The following RBFOX1 variants were observed in gnomAD, a reference collection of about 807,000 sequenced individuals.
RBFOX1 encodes RNA binding protein fox-1 homolog 1.
A neutral mutation model predicts 57.7 loss-of-function variants in RBFOX1; 8 were observed. The observed-to-expected ratio is 0.14, with a 90% confidence interval of 0.08 to 0.25. The LOEUF (loss-of-function observed/expected upper bound fraction) is 0.25. Among genes scored for constraint, RBFOX1 ranks in the 10% least tolerant of loss-of-function variants. RBFOX1 has a pLI of 1.00. For synonymous variants in RBFOX1, 326 were observed against 222.4 expected (o/e 1.47, Z -4.15); for missense variants, 611 against 548.5 (o/e 1.11, Z -1.14).
intron 1 of RBFOX1, among the ~76,000 whole-genome samples, chr16:5,246,964 C>T (rs941236620): frequency 6.6e-6 from 1 of 152,222 alleles, no homozygotes; most frequent in Non-Finnish European, 1.5e-5. Context: ...AGCCACCATG[C>T]CTCGCTGAGT....
chr16:6,196,865 C>G (rs906946551), intron 1 of RBFOX1, among the ~76,000 whole-genome samples: 12 of 151,592 alleles, frequency 7.9e-5, no homozygotes, highest in African/African-American at 2.7e-4. Context: ...TCTTTTATTA[C>G]ATTTTCTGCA....
intron 2 of RBFOX1, among the ~76,000 whole-genome samples, chr16:6,474,653 C>T (rs1304244060): frequency 1.3e-5 from 2 of 152,030 alleles, no homozygotes; most frequent in Non-Finnish European, 2.9e-5. Flanking sequence ...GGCGAGGGAA[C>T]CCAGCCAGGG....
At chr16:7,507,198 C>T (rs1250418555) in intron 4 of RBFOX1, among the ~76,000 whole-genome samples, 1 of 152,180 alleles carries the variant, frequency 6.6e-6, no homozygotes, top group African/African-American at 2.4e-5. Flanking sequence ...ATTACCTGGC[C>T]TATCATAGTG....
chr16:6,564,105 C>G (rs1367285302), intron 2 of RBFOX1, among the ~76,000 whole-genome samples: 1 of 152,080 alleles, frequency 6.6e-6, no homozygotes, highest in Non-Finnish European at 1.5e-5. Context: ...TTCTTGTAGC[C>G]TACACTGTGG....
intron 5 of RBFOX1, chr16:7,519,555 AT>A (rs2077083526): frequency 3.8e-6 from 1 of 261,628 alleles, no homozygotes; most frequent in African/African-American, 2.3e-5. Context: ...AAATGAAAAT[AT>A]TTATCATAAA....
At chr16:5,615,178 G>A (rs796982143) in intron 3 of RBFOX1, among the ~76,000 whole-genome samples, 1 of 152,156 alleles carries the variant, frequency 6.6e-6, no homozygotes, top group South Asian at 2.1e-4. Flanking sequence ...GGAACTACAG[G>A]TGCATGCTCC....
At chr16:5,325,098 C>T (rs1488799772) in intron 1 of RBFOX1, among the ~76,000 whole-genome samples, 6 of 152,178 alleles carry the variant, frequency 3.9e-5, no homozygotes, top group African/African-American at 1.2e-4. Context: ...TGCATTGGAA[C>T]AGGTGGTTTA....
chr16:6,848,032 A>G (rs777766632), intron 3 of RBFOX1, among the ~76,000 whole-genome samples: 7 of 152,032 alleles, frequency 4.6e-5, no homozygotes, highest in Non-Finnish European at 8.8e-5. Flanking sequence ...GGGTCTTACC[A>G]TGTTGGCCAG....
At chr16:6,967,267 C>G (rs550310785) in intron 3 of RBFOX1, among the ~76,000 whole-genome samples, 23 of 152,138 alleles carry the variant, frequency 1.5e-4, no homozygotes, top group African/African-American at 5.3e-4. Flanking sequence ...TCTGTACACT[C>G]ATCATTTCAT....
chr16:6,700,302 G>A (rs1603442651), intron 3 of RBFOX1, among the ~76,000 whole-genome samples: 1 of 151,768 alleles, frequency 6.6e-6, no homozygotes, highest in African/African-American at 2.4e-5. Flanking sequence ...AAAAATAACA[G>A]TATAACATGC....
At chr16:7,176,703 A>G (rs938185401) in intron 4 of RBFOX1, among the ~76,000 whole-genome samples, 1 of 152,240 alleles carries the variant, frequency 6.6e-6, no homozygotes, top group Non-Finnish European at 1.5e-5. Flanking sequence ...GGTATTGAGA[A>G]TGAAACAATG....
intron 5 of RBFOX1, among the ~76,000 whole-genome samples, chr16:7,526,377 C>T (rs1001340183): frequency 6.6e-6 from 1 of 152,138 alleles, no homozygotes; most frequent in Admixed American, 6.5e-5. Flanking sequence ...TAAGGCCTGG[C>T]CTCTGGACTT....
intron 2 of RBFOX1, among the ~76,000 whole-genome samples, chr16:5,503,892 T>C (rs749651034): frequency 1.2e-4 from 19 of 152,194 alleles, no homozygotes; most frequent in Non-Finnish European, 1.8e-4. Context: ...CAAACACTCA[T>C]CTACTTTCTA....
chr16:6,647,238 C>G (rs747993978), intron 2 of RBFOX1, among the ~76,000 whole-genome samples: 4 of 151,968 alleles, frequency 2.6e-5, no homozygotes, highest in East Asian at 1.9e-4. Context: ...GATACTAATT[C>G]TTTCTTTATT....
At chr16:6,208,142 A>G (rs574367209) in intron 1 of RBFOX1, among the ~76,000 whole-genome samples, 1 of 152,170 alleles carries the variant, frequency 6.6e-6, no homozygotes, top group African/African-American at 2.4e-5. Flanking sequence ...GTGTAACATT[A>G]TAATTATATA....
chr16:5,653,841 G>T (rs1159480788), intron 3 of RBFOX1, among the ~76,000 whole-genome samples: 1 of 152,184 alleles, frequency 6.6e-6, no homozygotes, highest in Non-Finnish European at 1.5e-5. Context: ...TGGGTCAGGG[G>T]TCCGTGGCAA....
At chr16:6,602,269 T>C (rs1470837245) in intron 2 of RBFOX1, among the ~76,000 whole-genome samples, 1 of 152,202 alleles carries the variant, frequency 6.6e-6, no homozygotes, top group Admixed American at 6.5e-5. Flanking sequence ...ATTCAGTGGG[T>C]TGCCTTTTCA....
At chr16:7,406,945 C>A (rs2098352554) in intron 4 of RBFOX1, among the ~76,000 whole-genome samples, 1 of 152,192 alleles carries the variant, frequency 6.6e-6, no homozygotes, top group African/African-American at 2.4e-5. Context: ...ATTTTCAAAT[C>A]TCTCTCTGTC....
chr16:6,658,654 C>G (rs370276226), intron 3 of RBFOX1, among the ~76,000 whole-genome samples: 2 of 152,176 alleles, frequency 1.3e-5, no homozygotes, highest in Non-Finnish European at 1.5e-5. Context: ...CCTATTTTCT[C>G]TCAGGCTGAC....
Sources: allele counts gnomAD v4.1 joint callset (sites outside exome capture counted in the v4.1 genomes callset), GRCh38; gene constraint gnomAD v4.1.1; transcripts MANE v1.5; gene names NCBI Gene and HGNC (gene_info 2026-07-23, HGNC 2026-07-21).